The following UPB1 variants were observed in gnomAD, a reference collection of about 807,000 sequenced individuals.
The protein encoded by UPB1 is beta-ureidopropionase.
Under a neutral mutation model 49.1 loss-of-function variants are expected in UPB1, and 40 were observed. That is an observed-to-expected ratio of 0.81 (90% CI 0.63 to 1.06). The LOEUF (loss-of-function observed/expected upper bound fraction) is 1.06, where lower values mean the gene tolerates loss of function less well. UPB1 is among the 50% of genes least tolerant of loss of function. The probability of loss-of-function intolerance (pLI) is 0.00; values close to 1 mark genes in which losing one functional copy is unlikely to be tolerated. For synonymous variants in UPB1, 207 were observed against 198.2 expected (o/e 1.04, Z -0.38); for missense variants, 499 against 505.9 (o/e 0.99, Z 0.13).
rs943649444 is a variant in UPB1, at chr22:24,527,106, AG to A, written c.*1313del. The A allele has an allele frequency of 4.6e-5, 7 of 152,266 alleles. No homozygotes were observed. Among genetic ancestry groups the A allele is most frequent in the African/African-American group, 1.7e-4 (7 of 41,466 alleles). 9.4% of individuals were successfully genotyped at this position (152,266 alleles called of 1,614,324 possible). A position where few individuals can be genotyped will look rare whatever the true frequency, so the allele number is the denominator to read the frequency against. ...TGGGGTGGCTTATGCCTGTGATCCC[AG>A]CACTTTGGGAAGCCAAGGCAGGTGG... is the stretch of plus-strand genomic sequence containing the variant. On this transcript the variant is annotated 3_prime_UTR_variant, in exon 10 of 10. Transcript: ENST00000326010.
intron 6 of UPB1, among the ~76,000 whole-genome samples, chr22:24,519,316 C>T (rs1006252084): frequency 1.3e-5 from 2 of 152,072 alleles, no homozygotes; most frequent in Non-Finnish European, 2.9e-5. Context: ...CCTGCTGACA[C>T]GAAGGAAGAT....
In UPB1 at chr22:24,520,461, T is replaced by G. The variant is rs758771331; in HGVS notation, c.866T>G (p.Val289Gly). The change falls in exon 7 of 10, where the codon GTG becomes GGG. Residue 289 changes from valine to glycine, a missense_variant. By Grantham distance (109) the Val-to-Gly change is moderately radical. Transcript: ENST00000326010. ...NHCFTCAINRVGTEHFPNEFT... is the reference protein window; with the variant it reads ...NHCFTCAINRGGTEHFPNEFT... ...TGCTTCACCTGCGCCATCAATCGAG[T>G]GGGCACCGTAAGTCCCGAGGTCTGG... The G allele has an allele frequency of 4.3e-6, 7 of 1,613,810 alleles. No homozygotes were observed. Among genetic ancestry groups the G allele is most frequent in the Non-Finnish European group, 4.2e-6 (5 of 1,179,882 alleles).
chr22:24,515,573 C>T (rs540720327), intron 6 of UPB1, among the ~76,000 whole-genome samples: 15 of 152,362 alleles, frequency 9.8e-5, no homozygotes, highest in African/African-American at 3.6e-4. Context: ...CAATCCCCCA[C>T]CCGCAGCAAG....
Position 24,526,168 on chromosome 22 carries a change from G to A in UPB1, c.*374G>A, listed in dbSNP as rs1189895458. On this transcript the variant is annotated 3_prime_UTR_variant, in exon 10 of 10. Transcript: ENST00000326010. Reference sequence around the variant, plus strand: ...CCATCCCGTACACCAGTGGGAAGAGGGTGAGGGCTGATCCAGAGACCCTGA... The same window carrying A: ...CCATCCCGTACACCAGTGGGAAGAGAGTGAGGGCTGATCCAGAGACCCTGA... 2.9e-6 allele frequency: 1 copy of A among 346,516 alleles called. No homozygotes were observed. The highest frequency in any genetic ancestry group is 4.1e-5 in the Admixed American group (1 of 24,574). The allele number at this position is 346,516 out of a possible 1,614,324, so 21.5% of individuals were successfully genotyped here.
intron 6 of UPB1, among the ~76,000 whole-genome samples, chr22:24,515,855 A>G (rs1236109929): frequency 4.6e-5 from 7 of 152,224 alleles, no homozygotes; most frequent in Admixed American, 1.3e-4. Context: ...GTGTGCCTGT[A>G]GTCCCAGCTA....
Position 24,513,353 on chromosome 22 carries a change from G to T in UPB1, c.489G>T (p.Val163=). 6.2e-7 allele frequency: 1 copy of T among 1,614,158 alleles called. No homozygotes were observed. Among genetic ancestry groups the T allele is most frequent in the African/African-American group, 1.3e-5 (1 of 75,036 alleles). ...CGAAGAACCATGACATGGTGGTGGT[G>T]TCTCCCATCCTGGAACGAGACAGCG... is the stretch of plus-strand genomic sequence containing the variant. ...KLAKNHDMVV[V]SPILERDSEH... is the part of the protein sequence containing the mutation. Residue 163 remains valine, a synonymous_variant, in exon 5 of 10, where the codon GTG becomes GTT. Transcript: ENST00000326010.
rs765021908 is a variant in UPB1 at position 24,500,222 on chromosome 22, G to T, written c.220G>T (p.Val74Leu). Reference sequence around the variant, plus strand: ...GCTGAGACGACCCCGCATTGTGCACGTGGGGCTGGTTCAGAACAGAATCCC... The same window carrying T: ...GCTGAGACGACCCCGCATTGTGCACTTGGGGCTGGTTCAGAACAGAATCCC... Reference protein sequence around the residue: ...EQLRRPRIVHVGLVQNRIPLP... With the variant: ...EQLRRPRIVHLGLVQNRIPLP... The change falls in exon 2 of 10, where the codon GTG becomes TTG. Residue 74 changes from valine (V) to leucine (L), a missense_variant. Coordinates refer to ENST00000326010, the MANE Select transcript of UPB1 (RefSeq NM_016327.3). 6.8e-6 allele frequency: 11 copies of T among 1,614,106 alleles called. No individual in the cohort carries two copies. The highest frequency in any genetic ancestry group is 9.3e-6 in the Non-Finnish European group (11 of 1,180,046).
intron 3 of UPB1, among the ~76,000 whole-genome samples, chr22:24,504,012 C>T (rs1244667378): frequency 6.6e-6 from 1 of 152,226 alleles, no homozygotes; most frequent in African/African-American, 2.4e-5. Context: ...AGAGCTGCCA[C>T]ACAGCATGTG....
rs746225371 is a variant in UPB1, at chr22:24,525,747, G to A, written c.1108G>A (p.Ala370Thr). The change falls in exon 10 of 10, where the codon GCC becomes ACC. Residue 370 changes from alanine (A) to threonine (T), a missense_variant. Coordinates refer to ENST00000326010, the MANE Select transcript of UPB1 (RefSeq NM_016327.3). ...GRYEMYAREL[A>T]EAVKSNYSPT... is the part of the protein sequence containing the mutation. ...GTATGAGATGTACGCACGGGAGCTC[G>A]CCGAAGCTGTCAAGTCCAACTACAG... The A allele has an allele frequency of 4.3e-6, 7 of 1,614,054 alleles. No individual in the cohort carries two copies. The highest frequency in any genetic ancestry group is 4.0e-5 in the African/African-American group (3 of 74,928).
chr22:24,510,060 C>T (rs2044170012), intron 3 of UPB1, among the ~76,000 whole-genome samples: 1 of 151,954 alleles, frequency 6.6e-6, no homozygotes, highest in Non-Finnish European at 1.5e-5. Flanking sequence ...TGGAGAAACC[C>T]CATCTCTACT....
At chr22:24,506,038 T>TTC (rs1460747770) in intron 3 of UPB1, among the ~76,000 whole-genome samples, 1 of 136,392 alleles carries the variant, frequency 7.3e-6, no homozygotes, top group South Asian at 2.4e-4. Flanking sequence ...TTTTTTTTTT[T>TTC]CAGACGGAAT....
intron 8 of UPB1, among the ~76,000 whole-genome samples, chr22:24,522,626 G>A (rs1450110349): frequency 1.3e-5 from 2 of 151,942 alleles, no homozygotes; most frequent in African/African-American, 4.8e-5. Flanking sequence ...GTAGCTCAGA[G>A]TGTCCTCTAG....
rs748038951 is a variant in UPB1, at chr22:24,522,046, T to C, written c.916+18T>C. ...AAAGAAAGGTATGTCCCATGAACCA[T>C]GGTGGCTGCAGTTGAGGAGTGGGCC... On this transcript the variant is annotated intron_variant, in intron 8 of 9. Coordinates refer to ENST00000326010, the MANE Select transcript of UPB1 (RefSeq NM_016327.3). The C allele has an allele frequency of 8.6e-5, 139 of 1,613,394 alleles. No homozygotes were observed. The highest frequency in any genetic ancestry group is 1.2e-4 in the Non-Finnish European group (139 of 1,179,934).
chr22:24,498,353 C>A (rs951138253), intron 1 of UPB1, among the ~76,000 whole-genome samples: 4 of 152,212 alleles, frequency 2.6e-5, no homozygotes, highest in Non-Finnish European at 4.4e-5. Flanking sequence ...TGGTCATTGA[C>A]TGCGTCTACA....
chr22:24,514,902 A>G (rs2044266445), intron 5 of UPB1, among the ~76,000 whole-genome samples: 1 of 152,176 alleles, frequency 6.6e-6, no homozygotes, highest in African/African-American at 2.4e-5. Context: ...TTGGACCATA[A>G]TTGAAACCTC....
At chr22:24,515,119 TTG>T in intron 5 of UPB1, 80 bp from the exon 6 acceptor site, 1 of 1,547,092 alleles carries the variant, frequency 6.5e-7, no homozygotes, top group Non-Finnish European at 8.9e-7. Flanking sequence ...CTCTGGACTA[TTG>T]GTGATATTTC....
intron 7 of UPB1, 144 bp from the exon 8 acceptor site, chr22:24,521,842 A>G (rs1328284196): frequency 4.8e-6 from 4 of 833,310 alleles, no homozygotes; most frequent in Non-Finnish European, 8.1e-6. Flanking sequence ...CCCGGTGAGT[A>G]CAGACCATTC....
At chr22:24,519,865 A>C (rs536877559) in intron 6 of UPB1, 1 of 241,562 alleles carries the variant, frequency 4.1e-6, no homozygotes, top group East Asian at 1.1e-4. Context: ...CAGGCCCTGC[A>C]CAAGCCCACC....
rs576148830 is a variant in UPB1 at position 24,502,902 on chromosome 22, C to CT, written c.364+698dup. The CT allele has an allele frequency of 2.1e-3, 415 of 198,480 alleles. 3 individuals carry two copies. Among genetic ancestry groups the CT allele is most frequent in the African/African-American group, 6.3e-3 (269 of 42,430 alleles). 12.3% of individuals were successfully genotyped at this position (198,480 alleles called of 1,614,324 possible). The stretch of plus-strand genomic sequence containing the variant: ...CATTTTGTCAACTTTGATTCCTTTT[C>CT]TTTTTTTTTAAGACAAGGACTTACT... On this transcript the variant is annotated intron_variant, in intron 3 of 9. Coordinates refer to ENST00000326010, the MANE Select transcript of UPB1 (RefSeq NM_016327.3).
Sources: allele counts gnomAD v4.1 joint callset (sites outside exome capture counted in the v4.1 genomes callset), GRCh38; gene constraint gnomAD v4.1.1; transcripts MANE v1.5; gene names NCBI Gene and HGNC (gene_info 2026-07-23, HGNC 2026-07-21).